The following CD83 variants were observed in gnomAD, a reference collection of about 807,000 sequenced individuals.
CD83 encodes the protein CD83 molecule.
A neutral mutation model predicts 24.6 loss-of-function variants in CD83; 22 were observed. The observed-to-expected ratio is 0.90, with a 90% confidence interval of 0.64 to 1.28. CD83 has a LOEUF of 1.28. CD83 is among the 50% of genes most tolerant of loss of function. The pLI, the probability that CD83 is intolerant of heterozygous loss-of-function variation, is 0.00. For synonymous variants in CD83, 101 were observed against 103.5 expected (o/e 0.98, Z 0.14); for missense variants, 253 against 252.8 (o/e 1.00, Z -0.01).
chr6:14,133,957 G>C (rs1021794515), intron 4 of CD83, among the ~76,000 whole-genome samples: 2 of 152,038 alleles, frequency 1.3e-5, no homozygotes, highest in Admixed American at 6.5e-5. Flanking sequence ...TAGTGGCTAC[G>C]TTTAGAGCAT....
intron 2 of CD83, among the ~76,000 whole-genome samples, chr6:14,119,441 A>G (rs933251354): frequency 3.3e-5 from 5 of 152,248 alleles, no homozygotes; most frequent in Non-Finnish European, 5.9e-5. Flanking sequence ...TCCAAGGTAA[A>G]TATTTACATA....
In CD83 at chr6:14,118,002, T is replaced by C. The variant is rs745578592; in HGVS notation, c.90T>C (p.Asp30=). The change falls in exon 2 of 5, where the codon GAT becomes GAC. Residue 30 remains aspartate, a synonymous_variant. Transcript: ENST00000379153. ...AGGTGAAGGTGGCTTGCTCCGAAGA[T>C]GTGGACTTGCCCTGCACCGCCCCCT... is the stretch of plus-strand genomic sequence containing the variant. The part of the protein sequence containing the change: ...TPEVKVACSE[D]VDLPCTAPWD... 3 of 1,611,542 alleles carry C rather than the reference T, an allele frequency of 1.9e-6. No individual in the cohort carries two copies. The highest frequency in any genetic ancestry group is 3.3e-5 in the Admixed American group (2 of 59,802).
chr6:14,127,673 A>C (rs1759851584), intron 2 of CD83, among the ~76,000 whole-genome samples: 1 of 152,204 alleles, frequency 6.6e-6, no homozygotes, highest in Non-Finnish European at 1.5e-5. Flanking sequence ...CCTTAAGGTC[A>C]AATCTCCATT....
chr6:14,122,535 T>C (rs1759692859), intron 2 of CD83, among the ~76,000 whole-genome samples: 1 of 152,130 alleles, frequency 6.6e-6, no homozygotes, highest in Admixed American at 6.5e-5. Flanking sequence ...TCCAGAATGA[T>C]TCTGTTGTAA....
At chr6:14,134,991 A>G (rs1423496467) in intron 4 of CD83, 117 bp from the exon 5 acceptor site, 2 of 964,444 alleles carry the variant, frequency 2.1e-6, no homozygotes, top group Non-Finnish European at 3.2e-6. Flanking sequence ...GGCAGTGAGT[A>G]TGAGAGCTTC....
At chr6:14,131,777 T>C in intron 3 of CD83, 29 bp downstream of exon 3, 1 of 1,437,298 alleles carries the variant, frequency 7.0e-7, no homozygotes, top group Non-Finnish European at 9.8e-7. Flanking sequence ...CTTGTTTTCT[T>C]CTTGAACAAT....
chr6:14,123,200 C>T (rs542174510), intron 2 of CD83, among the ~76,000 whole-genome samples: 5 of 151,798 alleles, frequency 3.3e-5, no homozygotes, highest in South Asian at 4.2e-4. Flanking sequence ...AAGGTTCAAG[C>T]GATTCCCCTG....
chr6:14,136,238 T>A lies in CD83; in HGVS notation c.*1002T>A, dbSNP rs924604702. ...AGCACTATACAGATTCGAAACTCCA[T>A]TGAGTCATTATCCTTGCTATGATGA... is the stretch of plus-strand genomic sequence containing the variant. On this transcript the variant is annotated 3_prime_UTR_variant, in exon 5 of 5. Coordinates refer to ENST00000379153, the MANE Select transcript of CD83 (RefSeq NM_004233.4). 1 of 152,190 alleles carries A rather than the reference T, an allele frequency of 6.6e-6. No homozygotes were observed. The highest frequency in any genetic ancestry group is 1.5e-5 in the Non-Finnish European group (1 of 68,038). 9.4% of individuals were successfully genotyped at this position (152,190 alleles called of 1,614,324 possible).
chr6:14,130,491 G>A (rs1267478582), intron 2 of CD83, among the ~76,000 whole-genome samples: 4 of 152,200 alleles, frequency 2.6e-5, no homozygotes, highest in South Asian at 2.1e-4. Context: ...TTGGGAGGCC[G>A]AGGCGGGCGG....
At chr6:14,122,592 A>G (rs1029129965) in intron 2 of CD83, among the ~76,000 whole-genome samples, 1 of 152,226 alleles carries the variant, frequency 6.6e-6, no homozygotes, top group Non-Finnish European at 1.5e-5. Flanking sequence ...ACATTTCTAC[A>G]TTAAATGTAG....
At chr6:14,132,320 A>G (rs9296924) in intron 3 of CD83, among the ~76,000 whole-genome samples, 67,240 of 152,120 alleles carry the variant, frequency 0.44, 15,371 homozygotes, top group Non-Finnish European at 0.52. Flanking sequence ...CCCTCAATGA[A>G]TATTCACCTG....
chr6:14,129,097 A>G lies in CD83; in HGVS notation c.154-2423A>G, dbSNP rs1759887086. 6.6e-6 allele frequency among the ~76,000 whole-genome samples: 1 copy of G among 152,180 alleles called. No homozygotes were observed. The highest frequency in any genetic ancestry group is 1.5e-5 in the Non-Finnish European group (1 of 68,026). On this transcript the variant is annotated intron_variant, in intron 2 of 4. Transcript: ENST00000379153. This position sits in a 1 kb window ranked among gnomAD's most constrained non-coding sequence, Gnocchi z 4.3. ...TGAGGGAGGGGTTGCTGGATGGGAG[A>G]GGAGCTTCCCAGGAGAAAACCATGG...
At chr6:14,126,424 A>G (rs1759815738) in intron 2 of CD83, among the ~76,000 whole-genome samples, 1 of 152,168 alleles carries the variant, frequency 6.6e-6, no homozygotes, top group Non-Finnish European at 1.5e-5. Flanking sequence ...CAGTGGAGCT[A>G]TCCAAGCCTG....
At chr6:14,133,835 G>A (rs899029690) in intron 4 of CD83, 80 bp downstream of exon 4, 19 of 922,142 alleles carry the variant, frequency 2.1e-5, no homozygotes, top group African/African-American at 3.6e-5. Context: ...CAGATAGTGC[G>A]AATCATTTAA....
At chr6:14,123,796 C>T (rs1409113197) in intron 2 of CD83, among the ~76,000 whole-genome samples, 4 of 147,140 alleles carry the variant, frequency 2.7e-5, no homozygotes, top group Admixed American at 1.4e-4. Context: ...AACTTGTTTT[C>T]CATTAATAAA....
intron 3 of CD83, among the ~76,000 whole-genome samples, chr6:14,133,369 T>C (rs964213712): frequency 6.6e-6 from 1 of 152,250 alleles, no homozygotes; most frequent in African/African-American, 2.4e-5. Context: ...CTTGACCCTC[T>C]CTGAGCCTCG....
chr6:14,130,918 A>T lies in CD83; in HGVS notation c.154-602A>T, dbSNP rs865814776. Among the ~76,000 whole-genome samples, 3 of 152,342 alleles carry T rather than the reference A, an allele frequency of 2.0e-5. No individual in the cohort carries two copies. In the South Asian group the frequency reaches 6.2e-4, roughly 32 times the overall value. ...ATAAAGCATGCTTCTCAGCTGTCTC[A>T]CTGCCATAGTACAGAGAAAAGGTGT... On this transcript the variant is annotated intron_variant, in intron 2 of 4. Transcript: ENST00000379153.
chr6:14,123,910 G>C (rs1382455031), intron 2 of CD83, among the ~76,000 whole-genome samples: 2 of 151,992 alleles, frequency 1.3e-5, no homozygotes, highest in Admixed American at 6.6e-5. Flanking sequence ...AGTGACATAA[G>C]GGAAAGTTTT....
chr6:14,131,675 G>A lies in CD83; in HGVS notation c.309G>A (p.Gly103=), dbSNP rs1309309926. ...KIRNTTSCNS[G]TYRCTLQDPD... ...GAAACACTACCAGCTGCAACTCGGG[G>A]ACATACAGGTGCACTCTGCAGGACC... Residue 103 remains glycine (G), a synonymous_variant, in exon 3 of 5, where the codon GGG becomes GGA. Coordinates refer to ENST00000379153, the MANE Select transcript of CD83 (RefSeq NM_004233.4). 6.2e-7 allele frequency: 1 copy of A among 1,614,190 alleles called. No individual in the cohort carries two copies. The highest frequency in any genetic ancestry group is 8.5e-7 in the Non-Finnish European group (1 of 1,180,040).
Sources: gnomAD v4.1 joint callset for allele counts (sites outside exome capture counted in the v4.1 genomes callset) on GRCh38, gnomAD v4.1.1 for gene constraint, Gnocchi (gnomAD v3.1) non-coding constraint, MANE v1.5 for transcripts, NCBI Gene and HGNC (gene_info 2026-07-23, HGNC 2026-07-21) for gene names.